HIF3A: variants seen among roughly 807,000 people sequenced by gnomAD.
The protein encoded by HIF3A is hypoxia inducible factor 3 subunit alpha, also known as hypoxia-inducible factor 3-alpha.
In HIF3A, 41 loss-of-function variants were observed where a neutral mutation model predicts 67.2. The observed-to-expected ratio is 0.61, with a 90% confidence interval of 0.48 to 0.79. The LOEUF (loss-of-function observed/expected upper bound fraction) is 0.79, where lower values mean the gene tolerates loss of function less well. Among genes scored for constraint, HIF3A ranks in the 30% least tolerant of loss-of-function variants. The probability of loss-of-function intolerance (pLI) is 0.00; values close to 1 mark genes in which losing one functional copy is unlikely to be tolerated. For synonymous variants in HIF3A, 356 were observed against 374.8 expected (o/e 0.95, Z 0.58); for missense variants, 855 against 898.0 (o/e 0.95, Z 0.61).
intron 6 of HIF3A, among the ~76,000 whole-genome samples, chr19:46,311,510 T>G (rs1309109692): frequency 3.3e-5 from 5 of 152,214 alleles, no homozygotes; most frequent in Non-Finnish European, 7.4e-5. Context: ...AGAATCTGTT[T>G]CCCTGCCTTT....
intron 8 of HIF3A, among the ~76,000 whole-genome samples, chr19:46,317,932 G>A (rs761744636): frequency 2.6e-5 from 4 of 151,766 alleles, no homozygotes; most frequent in Non-Finnish European, 5.9e-5. Flanking sequence ...TTAGCCTCCC[G>A]GGTTCAAGTG....
intron 10 of HIF3A, among the ~76,000 whole-genome samples, chr19:46,322,572 T>G (rs529938269): frequency 1.6e-4 from 25 of 152,252 alleles, no homozygotes; most frequent in African/African-American, 6.0e-4. Flanking sequence ...CCCAAGTAGC[T>G]GAGATTACAG....
intron 8 of HIF3A, among the ~76,000 whole-genome samples, chr19:46,317,445 T>C (rs1970007359): frequency 1.3e-5 from 2 of 152,140 alleles, no homozygotes; most frequent in African/African-American, 4.8e-5. Context: ...AGGGCGTTGG[T>C]GTGGTTCACC....
intron 1 of HIF3A, among the ~76,000 whole-genome samples, chr19:46,299,350 A>G (rs2147100283): frequency 6.6e-6 from 1 of 152,294 alleles, no homozygotes; most frequent in South Asian, 2.1e-4. Flanking sequence ...CAGGGTTCAA[A>G]TCCCATCTCA....
chr19:46,332,776 G>A (rs1483418434), intron 13 of HIF3A, among the ~76,000 whole-genome samples: 1 of 152,096 alleles, frequency 6.6e-6, no homozygotes. Context: ...TTGAAGTCTG[G>A]AGTTCAAGTC....
At chr19:46,307,577 G>A (rs565557476) in intron 3 of HIF3A, among the ~76,000 whole-genome samples, 6 of 152,088 alleles carry the variant, frequency 3.9e-5, no homozygotes, top group South Asian at 2.1e-4. Flanking sequence ...GTGAAACCCC[G>A]TCTCTACTAA....
At chr19:46,330,533 GGATGGATGGCA>G (rs1469575804) in intron 12 of HIF3A, among the ~76,000 whole-genome samples, 1 of 151,418 alleles carries the variant, frequency 6.6e-6, no homozygotes, top group Non-Finnish European at 1.5e-5. Flanking sequence ...GATGGATGGT[GGATGGATGGCA>G]GATGGATGGT....
chr19:46,309,790 A>C (rs1406949537), intron 6 of HIF3A, among the ~76,000 whole-genome samples: 1 of 152,170 alleles, frequency 6.6e-6, no homozygotes, highest in Non-Finnish European at 1.5e-5. Flanking sequence ...GGAAGCATTC[A>C]ATAAATTGTC....
chr19:46,335,137 C>G, intron 14 of HIF3A, 151 bp downstream of exon 14: 1 of 583,514 alleles, frequency 1.7e-6, no homozygotes, highest in Non-Finnish European at 2.9e-6. Flanking sequence ...TCTCTCTTCT[C>G]ATGGGCACTG....
At chr19:46,322,807 G>A (rs1416129444) in intron 10 of HIF3A, among the ~76,000 whole-genome samples, 1 of 152,094 alleles carries the variant, frequency 6.6e-6, no homozygotes, top group Non-Finnish European at 1.5e-5. Context: ...TAGGTTTACT[G>A]GTTCATTGTC....
intron 8 of HIF3A, among the ~76,000 whole-genome samples, chr19:46,318,811 G>C (rs1407222440): frequency 1.3e-5 from 2 of 151,894 alleles, no homozygotes; most frequent in Non-Finnish European, 2.9e-5. Flanking sequence ...AATAGAGATG[G>C]GGTTTCACCA....
intron 14 of HIF3A, among the ~76,000 whole-genome samples, chr19:46,338,848 C>G (rs1186968299): frequency 2.0e-5 from 3 of 152,168 alleles, no homozygotes; most frequent in Admixed American, 6.5e-5. Flanking sequence ...CAGAGAGGTT[C>G]AGAGAGCAGA....
Position 46,309,231 on chromosome 19 carries a change from C to A in HIF3A, c.642C>A (p.Pro214=). Reference sequence around the variant, plus strand: ...CAGCTGGGAGCCCTGACTCAGAGCCCCCGCTGCAGTGCCTGGTGCTCATCT... The same window carrying A: ...CAGCTGGGAGCCCTGACTCAGAGCCACCGCTGCAGTGCCTGGTGCTCATCT... ...TSPAGSPDSE[P]PLQCLVLICE... The change falls in exon 6 of 15, where the codon CCC becomes CCA. Residue 214 remains proline, a synonymous_variant. Transcript: ENST00000377670. The A allele has an allele frequency of 6.2e-7, 1 of 1,614,102 alleles. No homozygotes were observed.
intron 4 of HIF3A, 101 bp downstream of exon 4, chr19:46,308,406 A>G: frequency 2.6e-6 from 2 of 781,838 alleles, no homozygotes; most frequent in African/African-American, 1.7e-5. Context: ...CACCAGACTA[A>G]GACAAGTAGG....
intron 13 of HIF3A, among the ~76,000 whole-genome samples, chr19:46,334,547 T>C (rs192456977): frequency 2.4e-3 from 368 of 152,240 alleles, no homozygotes; most frequent in African/African-American, 8.7e-3. Context: ...ATTTTTATTT[T>C]ACTTTTATTT....
intron 14 of HIF3A, among the ~76,000 whole-genome samples, chr19:46,336,950 G>T (rs1971670910): frequency 6.6e-6 from 1 of 152,138 alleles, no homozygotes; most frequent in Non-Finnish European, 1.5e-5. Context: ...TCACGCCATT[G>T]TACTGCAGCC....
intron 8 of HIF3A, among the ~76,000 whole-genome samples, chr19:46,315,322 C>T (rs1969827207): frequency 6.8e-6 from 1 of 147,006 alleles, no homozygotes; most frequent in Admixed American, 7.2e-5. Flanking sequence ...CTGCCTCAGC[C>T]TCCCAAAGTG....
At position 46,340,134 on chromosome 19, in the gene HIF3A, C is replaced by G. The variant is rs559927699; in HGVS notation, c.*512C>G. ...CTGGGGTCTGTAAGAATGTGGGACTCTGATCTTCCCCCTCTTCAGGTGTCA... is the reference window on the plus strand; with the variant it reads ...CTGGGGTCTGTAAGAATGTGGGACTGTGATCTTCCCCCTCTTCAGGTGTCA... On this transcript the variant is annotated 3_prime_UTR_variant, in exon 15 of 15. Transcript: ENST00000377670. 6.6e-6 allele frequency: 1 copy of G among 152,404 alleles called. No homozygotes were observed. Among genetic ancestry groups the G allele is most frequent in the South Asian group, 2.1e-4 (1 of 4,826 alleles). 9.4% of individuals were successfully genotyped at this position (152,404 alleles called of 1,614,324 possible). A position where few individuals can be genotyped will look rare whatever the true frequency, so the allele number is the denominator to read the frequency against.
At position 46,342,360 on chromosome 19, in the gene HIF3A, TC is replaced by T. The variant is rs1340053195; in HGVS notation, c.*2739del. On this transcript the variant is annotated 3_prime_UTR_variant, in exon 15 of 15. Coordinates refer to ENST00000377670, the MANE Select transcript of HIF3A (RefSeq NM_152795.4). Reference sequence around the variant, plus strand: ...CTTATGGTTCCCAAATCTCTCTGGTTCTAGAACTCAGATTTTAGGCTTTTGT... The same window carrying T: ...CTTATGGTTCCCAAATCTCTCTGGTTTAGAACTCAGATTTTAGGCTTTTGT... 7.2e-5 allele frequency: 11 copies of T among 152,030 alleles called. No homozygotes were observed. The highest frequency in any genetic ancestry group is 1.6e-4 in the Non-Finnish European group (11 of 68,018). The allele number at this position is 152,030 out of a possible 1,614,324, so 9.4% of individuals were successfully genotyped here. A position where few individuals can be genotyped will look rare whatever the true frequency, so the allele number is the denominator to read the frequency against.
Sources: gnomAD v4.1 joint callset for allele counts (sites outside exome capture counted in the v4.1 genomes callset) on GRCh38, gnomAD v4.1.1 for gene constraint, MANE v1.5 for transcripts, NCBI Gene and HGNC (gene_info 2026-07-23, HGNC 2026-07-21) for gene names.